STAG1: variants seen among roughly 807,000 people sequenced by gnomAD.
STAG1 encodes the protein cohesin subunit SA-1.
A neutral mutation model predicts 170.9 loss-of-function variants in STAG1; 26 were observed. The observed-to-expected ratio is 0.15, with a 90% CI of 0.11 to 0.21. The LOEUF is 0.21. Ranked by LOEUF, STAG1 falls within the 10% of genes least tolerant of loss-of-function variation. STAG1 has a pLI of 1.00. For missense variants in STAG1, 964 were observed against 1,509.5 expected (o/e 0.64, Z 5.99); for synonymous variants, 514 against 497.7 (o/e 1.03, Z -0.44).
chr3:136,418,553 A>G (rs1027019640), intron 20 of STAG1, among the ~76,000 whole-genome samples: 1 of 151,970 alleles, frequency 6.6e-6, no homozygotes, highest in Non-Finnish European at 1.5e-5. Flanking sequence ...AAAACCTGAC[A>G]TATTTAATTG....
intron 12 of STAG1, among the ~76,000 whole-genome samples, chr3:136,468,221 C>T (rs1327976869): frequency 6.6e-6 from 1 of 151,764 alleles, no homozygotes; most frequent in South Asian, 2.1e-4. Context: ...TCTAGGAGCT[C>T]GTTTTTTGAA....
At chr3:136,596,859 G>C (rs1938449686) in intron 4 of STAG1, among the ~76,000 whole-genome samples, 1 of 152,148 alleles carries the variant, frequency 6.6e-6, no homozygotes, top group Non-Finnish European at 1.5e-5. Flanking sequence ...GACTGCTTGA[G>C]GCCAGGAGTT....
intron 21 of STAG1, among the ~76,000 whole-genome samples, chr3:136,399,552 C>T (rs996241231): frequency 1.3e-5 from 2 of 152,118 alleles, no homozygotes; most frequent in Non-Finnish European, 2.9e-5. Context: ...GTTGCATGTA[C>T]CTAGAGTTCA....
chr3:136,626,931 A>G (rs1397450346), intron 2 of STAG1, among the ~76,000 whole-genome samples: 1 of 152,236 alleles, frequency 6.6e-6, no homozygotes, highest in Non-Finnish European at 1.5e-5. Flanking sequence ...AGATACTACA[A>G]TGCAAATACT....
At chr3:136,398,672 A>T in intron 22 of STAG1, 77 bp downstream of exon 22, 1 of 676,396 alleles carries the variant, frequency 1.5e-6, no homozygotes, top group Non-Finnish European at 2.3e-6. Context: ...AATAACTGAT[A>T]ATAGTAAATT....
chr3:136,692,790 G>C (rs1401998532), intron 1 of STAG1, among the ~76,000 whole-genome samples: 1 of 152,150 alleles, frequency 6.6e-6, no homozygotes, highest in Non-Finnish European at 1.5e-5. Flanking sequence ...TAAACCTTCA[G>C]CTTTGTATTC....
At chr3:136,599,728 T>C (rs931006301) in intron 4 of STAG1, among the ~76,000 whole-genome samples, 1 of 152,176 alleles carries the variant, frequency 6.6e-6, no homozygotes. Context: ...CTCCCTCTCA[T>C]GGCACCTAAA....
At chr3:136,478,295 A>C (rs960036904) in intron 9 of STAG1, among the ~76,000 whole-genome samples, 4 of 152,198 alleles carry the variant, frequency 2.6e-5, no homozygotes, top group African/African-American at 9.6e-5. Flanking sequence ...ATTCTGGCTC[A>C]TTGCCTAGAT....
intron 15 of STAG1, among the ~76,000 whole-genome samples, chr3:136,435,305 A>C (rs1395016799): frequency 6.6e-6 from 1 of 152,204 alleles, no homozygotes; most frequent in Non-Finnish European, 1.5e-5. Flanking sequence ...ATAGGAACTA[A>C]TATCCTCACT....
At chr3:136,405,258 T>TTTTTTTTTTTTTTTTTC (rs1560091864) in intron 21 of STAG1, among the ~76,000 whole-genome samples, 8 of 115,616 alleles carry the variant, frequency 6.9e-5, no homozygotes, top group African/African-American at 2.4e-4. Context: ...TTTTTTTTTT[T>TTTTTTTTTTTTTTTTTC]TCAGACGAAG....
intron 26 of STAG1, among the ~76,000 whole-genome samples, chr3:136,359,829 G>A (rs934984028): frequency 2.0e-5 from 3 of 152,100 alleles, no homozygotes; most frequent in African/African-American, 4.8e-5. Flanking sequence ...ATTTTGAGAT[G>A]GGAAAAGGAA....
chr3:136,591,342 AGAAGGAAGGAAGGAAGAAAG>A (rs1938166227), intron 4 of STAG1: 1 of 154,380 alleles, frequency 6.5e-6, no homozygotes, highest in African/African-American at 2.4e-5. Context: ...AAGGAGGGAA[AGAAGGAAGGAAGGAAGAAAG>A]GAAGGAAGGA....
At chr3:136,492,561 T>C (rs1019721315) in intron 9 of STAG1, among the ~76,000 whole-genome samples, 1 of 152,158 alleles carries the variant, frequency 6.6e-6, no homozygotes, top group Non-Finnish European at 1.5e-5. Flanking sequence ...AAAATGATTT[T>C]TAGATGTTGG....
intron 24 of STAG1, among the ~76,000 whole-genome samples, chr3:136,368,144 GA>G (rs1937151860): frequency 6.6e-6 from 1 of 152,234 alleles, no homozygotes; most frequent in African/African-American, 2.4e-5. Flanking sequence ...CTCCTGAGAT[GA>G]ATATAGACTC....
chr3:136,662,372 A>C (rs1576731093), intron 1 of STAG1, among the ~76,000 whole-genome samples: 1 of 151,968 alleles, frequency 6.6e-6, no homozygotes, highest in South Asian at 2.1e-4. Flanking sequence ...GGTTGGTCTC[A>C]AACTCCTGAC....
intron 1 of STAG1, among the ~76,000 whole-genome samples, chr3:136,652,749 A>G (rs1333215706): frequency 6.6e-6 from 1 of 152,212 alleles, no homozygotes; most frequent in Admixed American, 6.5e-5. Context: ...AACCAATCAG[A>G]AATTAAAATA....
chr3:136,528,649 A>G (rs753589046), intron 6 of STAG1, among the ~76,000 whole-genome samples: 5 of 152,092 alleles, frequency 3.3e-5, no homozygotes, highest in African/African-American at 7.2e-5. Context: ...AAAGAAATAG[A>G]TATCATTAAA....
At chr3:136,746,502 G>A (rs2107957006) in intron 1 of STAG1, among the ~76,000 whole-genome samples, 1 of 151,994 alleles carries the variant, frequency 6.6e-6, no homozygotes, top group Non-Finnish European at 1.5e-5. Flanking sequence ...GGACAAGCTT[G>A]CTTTAAAGCT....
At chr3:136,605,095 T>G (rs1276435820) in intron 3 of STAG1, among the ~76,000 whole-genome samples, 1 of 152,196 alleles carries the variant, frequency 6.6e-6, no homozygotes, top group African/African-American at 2.4e-5. Context: ...AAAACATTTC[T>G]GGGAAATGCC....
Sources: gnomAD v4.1 joint callset for allele counts (sites outside exome capture counted in the v4.1 genomes callset) on GRCh38, gnomAD v4.1.1 for gene constraint, MANE v1.5 for transcripts, NCBI Gene and HGNC (gene_info 2026-07-23, HGNC 2026-07-21) for gene names.